LOC101059915: variants seen among roughly 807,000 people sequenced by gnomAD.
the LOC101059915 span, chrX:71,670,709 G>T: frequency 1.8e-6 from 2 of 1,106,772 alleles, no homozygotes; most frequent in Non-Finnish European, 2.4e-6. Flanking sequence ...TCGTTCTGCA[G>T]GTGCTGGTGG....
the LOC101059915 span, chrX:71,671,133 T>G: frequency 1.2e-3 from 1,359 of 1,159,628 alleles, 10 homozygotes; most frequent in African/African-American, 0.021. Flanking sequence ...GGGCTAGGTT[T>G]TTCCCCACGG....
chrX:71,668,246 C>CAT, the LOC101059915 span: 19 of 1,122,091 alleles, frequency 1.7e-5, no homozygotes, highest in East Asian at 4.6e-4. Flanking sequence ...TGGAGAGGTG[C>CAT]GCTGAGCCCC....
the LOC101059915 span, chrX:71,667,915 G>T: frequency 8.8e-7 from 1 of 1,130,483 alleles, no homozygotes; most frequent in Non-Finnish European, 1.2e-6. Flanking sequence ...TGACGGCCAC[G>T]GCCGAGACCT....
the LOC101059915 span, chrX:71,671,153 G>A: frequency 6.0e-6 from 7 of 1,161,839 alleles, no homozygotes; most frequent in South Asian, 1.9e-5. Context: ...GGGGCAGGGC[G>A]TGGGTTTCTG....
the LOC101059915 span, chrX:71,671,141 C>A: frequency 8.6e-7 from 1 of 1,162,097 alleles, no homozygotes; most frequent in South Asian, 1.9e-5. Flanking sequence ...TTTTTCCCCA[C>A]GGGGGCAGGG....
At chrX:71,671,247 A>C in the LOC101059915 span, 1 of 1,164,849 alleles carries the variant, frequency 8.6e-7, no homozygotes, top group Non-Finnish European at 1.1e-6. Context: ...AGGACCTGTG[A>C]AGTGAGTGTT....
the LOC101059915 span, chrX:71,669,051 C>T: frequency 8.7e-7 from 1 of 1,147,246 alleles, no homozygotes; most frequent in African/African-American, 1.8e-5. Context: ...TGAGTAGGTT[C>T]TCTTCGCGCA....
chrX:71,669,723 T>C, the LOC101059915 span: 1 of 977,722 alleles, frequency 1.0e-6, no homozygotes, highest in Non-Finnish European at 1.3e-6. Context: ...CCGGTGAGTC[T>C]TGCGGGTTTG....
the LOC101059915 span, chrX:71,668,107 T>C: frequency 2.6e-6 from 3 of 1,139,955 alleles, no homozygotes; most frequent in Non-Finnish European, 3.5e-6. Context: ...TGGGGACTAC[T>C]CTTTCTACCT....
chrX:71,667,854 G>T, the LOC101059915 span: 1 of 1,095,591 alleles, frequency 9.1e-7, no homozygotes. Flanking sequence ...TAGGCCCAGA[G>T]GGTGGCGAGC....
chrX:71,668,224 G>A, the LOC101059915 span: 1 of 1,117,318 alleles, frequency 9.0e-7, no homozygotes, highest in Non-Finnish European at 1.2e-6. Context: ...GGACCTGGAG[G>A]TCGGTCCCAG....
At chrX:71,671,406 G>A in the LOC101059915 span, 2 of 560,862 alleles carry the variant, frequency 3.6e-6, no homozygotes, top group Admixed American at 4.0e-5. Flanking sequence ...TTGGAGCTCC[G>A]GAGCTGCAGC....
the LOC101059915 span, chrX:71,671,148 A>T: frequency 2.2e-5 from 26 of 1,162,807 alleles, no homozygotes; most frequent in South Asian, 3.8e-5. Flanking sequence ...CCACGGGGGC[A>T]GGGCGTGGGT....
At chrX:71,671,141 C>T in the LOC101059915 span, 22 of 1,160,383 alleles carry the variant, frequency 1.9e-5, no homozygotes, top group South Asian at 7.7e-5. Flanking sequence ...TTTTTCCCCA[C>T]GGGGGCAGGG....
At chrX:71,670,783 A>G in the LOC101059915 span, 2 of 1,078,521 alleles carry the variant, frequency 1.9e-6, no homozygotes, top group Non-Finnish European at 2.4e-6. Flanking sequence ...AAGAGAACCA[A>G]GCAGGCCTGG....
the LOC101059915 span, chrX:71,668,587 C>T: frequency 2.7e-6 from 3 of 1,098,083 alleles, no homozygotes; most frequent in Non-Finnish European, 3.6e-6. Flanking sequence ...TCAGGGACCT[C>T]TCCTGATCTC....
the LOC101059915 span, chrX:71,668,213 C>A: frequency 8.9e-7 from 1 of 1,117,449 alleles, no homozygotes; most frequent in Non-Finnish European, 1.2e-6. Context: ...GACATCTGGG[C>A]GGACCTGGAG....
chrX:71,668,362 A>G, the LOC101059915 span: 1 of 1,143,782 alleles, frequency 8.7e-7, no homozygotes, highest in Non-Finnish European at 1.2e-6. Flanking sequence ...GAGCAGATTG[A>G]GCTTCCAAGT....
the LOC101059915 span, chrX:71,667,560 C>A: frequency 3.9e-6 from 1 of 253,799 alleles, no homozygotes; most frequent in Non-Finnish European, 7.0e-6. Flanking sequence ...ATTGAGGGAG[C>A]CCGGAAGCCA....
Sources: allele counts gnomAD v4.1 joint callset, GRCh38; gene constraint gnomAD v4.1.1; transcripts MANE v1.5.